CTNNA2: variants seen among roughly 807,000 people sequenced by gnomAD.
The protein encoded by CTNNA2 is catenin alpha 2.
A neutral mutation model predicts 101.0 loss-of-function variants in CTNNA2; 42 were observed. That is an observed-to-expected ratio of 0.42 (90% CI 0.32 to 0.54). CTNNA2 has a LOEUF of 0.54. Among genes scored for constraint, CTNNA2 ranks in the 20% least tolerant of loss-of-function variants. The pLI, the probability that CTNNA2 is intolerant of heterozygous loss-of-function variation, is 0.14. For missense variants in CTNNA2, 871 were observed against 1,223.1 expected (o/e 0.71, Z 4.29); for synonymous variants, 450 against 456.4 (o/e 0.99, Z 0.18).
In CTNNA2 at chr2:80,118,792, A is replaced by G. The variant is rs1011546284; in HGVS notation, c.1056+208995A>G. Among the ~76,000 whole-genome samples the G allele has an allele frequency of 9.2e-5, 14 of 152,346 alleles. No homozygotes were observed. In the East Asian group the frequency reaches 2.5e-3, roughly 27 times the overall value. Reference sequence around the variant, plus strand: ...CACAGGTCGGCATCCCCAGGCAGAAAGGCCTGTAGGGGCCCAGCCGAGGCA... The same window carrying G: ...CACAGGTCGGCATCCCCAGGCAGAAGGGCCTGTAGGGGCCCAGCCGAGGCA... On this transcript the variant is annotated intron_variant, in intron 7 of 18. Transcript: ENST00000402739.
At chr2:79,668,246 C>CAAAA (rs34348942) in intron 2 of CTNNA2, among the ~76,000 whole-genome samples, 28 of 69,292 alleles carry the variant, frequency 4.0e-4, no homozygotes, top group Non-Finnish European at 5.7e-4. Flanking sequence ...GACTCCGTCT[C>CAAAA]AAAAAAAAAA....
At position 79,308,532 on chromosome 2, in the gene CTNNA2, C is replaced by T. The variant is rs1054437398; in HGVS notation, c.-405-4177C>T. Among the ~76,000 whole-genome samples, 15 of 152,180 alleles carry T rather than the reference C, an allele frequency of 9.9e-5. No homozygotes were observed. The East Asian group carries it at 1.9e-3, about 20-fold the overall frequency. ...ATATATTCCCATTTGTTTATTTTTG[C>T]TTTTGTTCCCTGTGCTTTCGAGCTC... On this transcript the variant is annotated intron_variant, in intron 2 of 21. Transcript: ENST00000466387.
chr2:79,391,878 G>T (rs545433641), intron 4 of CTNNA2, among the ~76,000 whole-genome samples: 1 of 152,184 alleles, frequency 6.6e-6, no homozygotes, highest in African/African-American at 2.4e-5. Context: ...GTGTCCAAAG[G>T]ATTGGTTTCT....
intron 4 of CTNNA2, 118 bp from the exon 5 acceptor site, chr2:79,869,698 T>C (rs1432530047): frequency 1.5e-6 from 2 of 1,298,128 alleles, no homozygotes; most frequent in African/African-American, 3.0e-5. Context: ...TATTTTTTCA[T>C]TTACATGTTA....
At chr2:79,190,066 T>G (rs1453449984) in intron 1 of CTNNA2, among the ~76,000 whole-genome samples, 3 of 152,160 alleles carry the variant, frequency 2.0e-5, no homozygotes, top group African/African-American at 7.2e-5. Flanking sequence ...AACCATAAGT[T>G]TTAATGAAAT....
intron 7 of CTNNA2, among the ~76,000 whole-genome samples, chr2:80,133,493 A>G (rs986850379): frequency 5.3e-5 from 8 of 152,200 alleles, no homozygotes; most frequent in African/African-American, 1.9e-4. Context: ...TCAAAAAAGA[A>G]GTGAAAAATA....
At chr2:79,342,831 T>C (rs987679612) in intron 3 of CTNNA2, among the ~76,000 whole-genome samples, 1 of 152,102 alleles carries the variant, frequency 6.6e-6, no homozygotes, top group Non-Finnish European at 1.5e-5. Context: ...TAAGGATGAG[T>C]CTGAAAGGAT....
intron 4 of CTNNA2, among the ~76,000 whole-genome samples, chr2:79,429,955 T>A (rs1232989143): frequency 6.6e-6 from 1 of 152,148 alleles, no homozygotes; most frequent in Non-Finnish European, 1.5e-5. Flanking sequence ...AGTAACATCT[T>A]TAATAGTATT....
At chr2:79,336,944 G>C (rs182399351) in intron 3 of CTNNA2, among the ~76,000 whole-genome samples, 1 of 152,224 alleles carries the variant, frequency 6.6e-6, no homozygotes, top group Non-Finnish European at 1.5e-5. Flanking sequence ...TTCCCAGATT[G>C]TGACCTTGGC....
chr2:79,334,071 A>T (rs1676936629), intron 3 of CTNNA2, among the ~76,000 whole-genome samples: 1 of 152,148 alleles, frequency 6.6e-6, no homozygotes, highest in African/African-American at 2.4e-5. Flanking sequence ...AACAGCTATC[A>T]TGTCTTTGTG....
intron 9 of CTNNA2, among the ~76,000 whole-genome samples, chr2:80,522,111 A>G (rs1689610273): frequency 1.3e-5 from 2 of 152,170 alleles, no homozygotes; most frequent in South Asian, 2.1e-4. Context: ...TGTTTCTCTT[A>G]AGTGTGTTGT....
At chr2:79,588,748 C>T (rs1676658032) in intron 1 of CTNNA2, among the ~76,000 whole-genome samples, 2 of 152,100 alleles carry the variant, frequency 1.3e-5, no homozygotes, top group African/African-American at 4.8e-5. Flanking sequence ...ATTTATAGAG[C>T]ACTTTTTCCA....
rs1027509967 is a variant in CTNNA2, at chr2:79,424,960, A to G, written c.-135+50947A>G. ...ACTGTATAAATGCAAGCAAGTCAGT[A>G]TCCAGACAGAATGAGAACCTCTTGC... On this transcript the variant is annotated intron_variant, in intron 4 of 21. Transcript: ENST00000466387. Among the ~76,000 whole-genome samples the G allele has an allele frequency of 5.3e-5, 8 of 152,168 alleles. No individual in the cohort carries two copies. The East Asian group carries it at 1.5e-3, about 29-fold the overall frequency.
intron 18 of CTNNA2, among the ~76,000 whole-genome samples, chr2:80,636,335 T>A (rs904543397): frequency 1.3e-5 from 2 of 152,134 alleles, no homozygotes; most frequent in Non-Finnish European, 2.9e-5. Context: ...GATTAAAAAT[T>A]ATGCATTTAT....
intron 7 of CTNNA2, among the ~76,000 whole-genome samples, chr2:79,943,340 T>G (rs1000417741): frequency 5.9e-5 from 9 of 152,178 alleles, no homozygotes; most frequent in African/African-American, 2.2e-4. Context: ...AGAATTAGAT[T>G]CAGTTACTAT....
chr2:79,592,324 G>C (rs578041859), intron 1 of CTNNA2, among the ~76,000 whole-genome samples: 1 of 151,660 alleles, frequency 6.6e-6, no homozygotes, highest in African/African-American at 2.4e-5. Context: ...TAGAGATGGG[G>C]TTTCACCATG....
At chr2:79,655,891 T>C (rs188443619) in intron 2 of CTNNA2, among the ~76,000 whole-genome samples, 15 of 152,248 alleles carry the variant, frequency 9.9e-5, no homozygotes, top group African/African-American at 3.1e-4. Context: ...AGTCCTTCTG[T>C]TGCAGACAAA....
At chr2:80,540,615 A>G (rs1377336645) in intron 9 of CTNNA2, among the ~76,000 whole-genome samples, 4 of 151,548 alleles carry the variant, frequency 2.6e-5, no homozygotes, top group Admixed American at 6.6e-5. Flanking sequence ...AAAAAAATCA[A>G]TTTTGAGATA....
intron 1 of CTNNA2, among the ~76,000 whole-genome samples, chr2:79,187,270 C>CTTTTTTTTTTTTTTTTTTATTTTT (rs781414965): frequency 1.5e-5 from 1 of 65,468 alleles, no homozygotes; most frequent in Admixed American, 1.9e-4. Flanking sequence ...CTTTTCTTTT[C>CTTTTTTTTTTTTTTTTTTATTTTT]TTTTTTTTTT....
Sources: allele counts gnomAD v4.1 joint callset (sites outside exome capture counted in the v4.1 genomes callset), GRCh38; gene constraint gnomAD v4.1.1; transcripts MANE v1.5; gene names NCBI Gene and HGNC (gene_info 2026-07-23, HGNC 2026-07-21).